The following ABL2 variants were observed in gnomAD, a reference collection of about 807,000 sequenced individuals.
The protein encoded by ABL2 is ABL proto-oncogene 2, non-receptor tyrosine kinase.
In ABL2, 49 loss-of-function variants were observed where a neutral mutation model predicts 107.7. That is an observed-to-expected ratio of 0.45 (90% CI 0.36 to 0.58). The LOEUF (loss-of-function observed/expected upper bound fraction) is 0.58. Ranked by LOEUF, ABL2 falls within the 20% of genes least tolerant of loss-of-function variation. The pLI is 0.00. For missense variants in ABL2, 1,245 were observed against 1,457.0 expected, an observed-to-expected ratio of 0.85 and a Z score of 2.37; for synonymous variants, 549 against 548.6, an observed-to-expected ratio of 1.00 and a Z score of -0.01.
At chr1:179,212,069 T>A (rs937816271) in intron 1 of ABL2, among the ~76,000 whole-genome samples, 5 of 152,142 alleles carry the variant, frequency 3.3e-5, no homozygotes, top group African/African-American at 9.7e-5. Context: ...CTTGAAATCA[T>A]GGTGGAAGGC....
intron 1 of ABL2, chr1:179,196,528 C>T (rs1661317577): frequency 6.6e-6 from 1 of 152,082 alleles, no homozygotes; most frequent in Admixed American, 6.6e-5. Context: ...CAGGAAGTAG[C>T]AACTTGGAAT....
At chr1:179,125,942 C>T (rs1028904718) in intron 4 of ABL2, among the ~76,000 whole-genome samples, 4 of 152,138 alleles carry the variant, frequency 2.6e-5, no homozygotes, top group Non-Finnish European at 4.4e-5. Flanking sequence ...CTGAATGATC[C>T]GTTTCAGTTA....
At chr1:179,113,332 A>G (rs1654288738) in intron 9 of ABL2, among the ~76,000 whole-genome samples, 2 of 152,230 alleles carry the variant, frequency 1.3e-5, no homozygotes, top group South Asian at 4.1e-4. Context: ...TTCCACTTGA[A>G]AATAAAAGAA....
chr1:179,135,011 C>T (rs998261619), intron 1 of ABL2, among the ~76,000 whole-genome samples: 7 of 152,268 alleles, frequency 4.6e-5, no homozygotes, highest in African/African-American at 1.2e-4. Context: ...GGATTGCAGA[C>T]GGAGTCTCGT....
intron 1 of ABL2, among the ~76,000 whole-genome samples, chr1:179,135,876 G>A (rs1656890209): frequency 7.3e-6 from 1 of 137,672 alleles, no homozygotes; most frequent in Non-Finnish European, 1.6e-5. Context: ...CAGGAGGTGA[G>A]GGGGCGCCTC....
At chr1:179,169,515 T>C (rs1427412229) in intron 1 of ABL2, among the ~76,000 whole-genome samples, 2 of 150,426 alleles carry the variant, frequency 1.3e-5, no homozygotes, top group Non-Finnish European at 3.0e-5. Flanking sequence ...ACCACTGCAC[T>C]CCAGCCTGGG....
chr1:179,214,809 G>A (rs1184481056), intron 1 of ABL2, among the ~76,000 whole-genome samples: 1 of 152,002 alleles, frequency 6.6e-6, no homozygotes, highest in Non-Finnish European at 1.5e-5. Flanking sequence ...TGTCAAAAAG[G>A]ATGAGAAATC....
intron 1 of ABL2, among the ~76,000 whole-genome samples, chr1:179,193,886 C>T (rs1438282778): frequency 6.6e-6 from 1 of 152,144 alleles, no homozygotes; most frequent in African/African-American, 2.4e-5. Context: ...CGCCCGCCAC[C>T]ATGTGGCCCA....
At chr1:179,128,069 CA>C (rs1217681434) in intron 3 of ABL2, among the ~76,000 whole-genome samples, 1 of 150,082 alleles carries the variant, frequency 6.7e-6, no homozygotes, top group Non-Finnish European at 1.5e-5. Context: ...AAGTATCAGG[CA>C]AAAGTTTTTA....
intron 1 of ABL2, among the ~76,000 whole-genome samples, chr1:179,170,934 G>A (rs558165839): frequency 6.6e-6 from 1 of 152,268 alleles, no homozygotes; most frequent in South Asian, 2.1e-4. Context: ...GTTTCACCAT[G>A]TTGGCCAGGC....
chr1:179,107,566 C>A lies in ABL2; in HGVS notation c.*152G>T. ...TTTGCTTCTTATTTTTGAGATGAAA[C>A]TGTAAACGTGAGAACTCAGGGATCT... On this transcript the variant is annotated 3_prime_UTR_variant, in exon 12 of 12. Transcript: ENST00000502732. 1 of 1,416,588 alleles carries A rather than the reference C, an allele frequency of 7.1e-7. No homozygotes were observed. The highest frequency in any genetic ancestry group is 9.3e-7 in the Non-Finnish European group (1 of 1,075,730). 87.8% of individuals were successfully genotyped at this position (1,416,588 alleles called of 1,614,324 possible). A position where few individuals can be genotyped will look rare whatever the true frequency, so the allele number is the denominator to read the frequency against.
intron 7 of ABL2, 108 bp from the exon 8 acceptor site, chr1:179,117,624 CA>C: frequency 9.5e-7 from 1 of 1,052,796 alleles, no homozygotes; most frequent in South Asian, 1.5e-5. Flanking sequence ...TAAGTGCTGA[CA>C]AATATGGTAG....
At chr1:179,174,299 A>G (rs1309251611) in intron 1 of ABL2, among the ~76,000 whole-genome samples, 1 of 151,598 alleles carries the variant, frequency 6.6e-6, no homozygotes, top group African/African-American at 2.4e-5. Flanking sequence ...AATAAAAAAA[A>G]AAAAAAGGTT....
intron 1 of ABL2, among the ~76,000 whole-genome samples, chr1:179,227,823 C>T (rs1196708450): frequency 2.6e-5 from 4 of 152,058 alleles, no homozygotes; most frequent in East Asian, 3.9e-4. Context: ...GAGGCTGTGG[C>T]GGGTGGATCA....
rs113159388 is a variant in ABL2, at chr1:179,199,828, G to A, written c.157+29413C>T. Among the ~76,000 whole-genome samples the A allele has an allele frequency of 2.9e-3, 435 of 147,512 alleles. 1 individual carries two copies. The highest frequency in any genetic ancestry group is 0.011 in the African/African-American group (419 of 39,846). ...GCTCACTGCAGCCTTGAACTCCTGC[G>A]CTCAAGCAATCCTCTCACCTCAGCC... On this transcript the variant is annotated intron_variant, in intron 1 of 11. Coordinates refer to ENST00000502732, the MANE Select transcript of ABL2 (RefSeq NM_007314.4).
At chr1:179,127,636 T>C (rs1655858697) in intron 3 of ABL2, among the ~76,000 whole-genome samples, 1 of 152,206 alleles carries the variant, frequency 6.6e-6, no homozygotes, top group Non-Finnish European at 1.5e-5. Context: ...AGAATCCTTG[T>C]AGTGCCTCAG....
chr1:179,118,460 C>T (rs569989771), intron 7 of ABL2, 127 bp downstream of exon 7: 7 of 858,400 alleles, frequency 8.2e-6, no homozygotes, highest in Non-Finnish European at 1.3e-5. Context: ...TTATAATGGG[C>T]CCTGTGAAAT....
At chr1:179,134,335 C>T (rs559498731) in intron 1 of ABL2, among the ~76,000 whole-genome samples, 1 of 152,236 alleles carries the variant, frequency 6.6e-6, no homozygotes, top group East Asian at 1.9e-4. Context: ...CACCTGAGGT[C>T]AGAAGTTTGA....
intron 1 of ABL2, chr1:179,137,766 AT>A (rs1352135840): frequency 6.6e-6 from 1 of 152,214 alleles, no homozygotes; most frequent in Non-Finnish European, 1.5e-5. Context: ...GTGATGCAAT[AT>A]TGAGCAGCTT....
Sources: allele counts gnomAD v4.1 joint callset (sites outside exome capture counted in the v4.1 genomes callset), GRCh38; gene constraint gnomAD v4.1.1; transcripts MANE v1.5; gene names NCBI Gene and HGNC (gene_info 2026-07-23, HGNC 2026-07-21).